The following ZMAT4 variants were observed in gnomAD, a reference collection of about 807,000 sequenced individuals.
ZMAT4 encodes zinc finger matrin-type 4.
A neutral mutation model predicts 28.7 loss-of-function variants in ZMAT4; 17 were observed. The observed-to-expected ratio is 0.59, with a 90% CI of 0.41 to 0.89. The LOEUF (loss-of-function observed/expected upper bound fraction) is 0.89, where lower values mean the gene tolerates loss of function less well. Among genes scored for constraint, ZMAT4 ranks in the 40% least tolerant of loss-of-function variants. The pLI, the probability that ZMAT4 is intolerant of heterozygous loss-of-function variation, is 0.00. For synonymous variants in ZMAT4, 117 were observed against 109.2 expected, an observed-to-expected ratio of 1.07 and a Z score of -0.44; for missense variants, 240 against 283.8, an observed-to-expected ratio of 0.85 and a Z score of 1.11.
At position 40,647,830 on chromosome 8, in the gene ZMAT4, C is replaced by T. The variant is rs182202468; in HGVS notation, c.577+26874G>A. Among the ~76,000 whole-genome samples the T allele has an allele frequency of 2.3e-4, 35 of 152,230 alleles. No individual in the cohort carries two copies. The East Asian group carries it at 4.8e-3, about 21-fold the overall frequency. Reference sequence around the variant, plus strand: ...AGCAGGGGCACACTGACACCTCACACGCAGGGTATTCCAACAGACCTGCAG... The same window carrying T: ...AGCAGGGGCACACTGACACCTCACATGCAGGGTATTCCAACAGACCTGCAG... On this transcript the variant is annotated intron_variant, in intron 5 of 6. Coordinates refer to ENST00000297737, the MANE Select transcript of ZMAT4 (RefSeq NM_024645.3).
chr8:40,868,988 G>A (rs1287424910), intron 1 of ZMAT4, among the ~76,000 whole-genome samples: 1 of 152,132 alleles, frequency 6.6e-6, no homozygotes, highest in Non-Finnish European at 1.5e-5. Flanking sequence ...AGTCCTGCAG[G>A]GATGGGCTGC....
At chr8:40,707,214 G>GCC (rs1229240579) in intron 3 of ZMAT4, among the ~76,000 whole-genome samples, 1 of 87,126 alleles carries the variant, frequency 1.1e-5, no homozygotes. Context: ...CTTCAGGCCT[G>GCC]CCCCCCCACC....
chr8:40,746,088 C>T (rs114354367), intron 3 of ZMAT4, among the ~76,000 whole-genome samples: 66 of 152,134 alleles, frequency 4.3e-4, no homozygotes, highest in African/African-American at 1.3e-3. Flanking sequence ...TCTTGGTAGA[C>T]GTTCTCAACT....
chr8:40,845,503 G>T (rs773811525), intron 1 of ZMAT4, among the ~76,000 whole-genome samples: 1 of 151,972 alleles, frequency 6.6e-6, no homozygotes. Context: ...AAATAATGCG[G>T]CTTTTGCTGA....
intron 5 of ZMAT4, among the ~76,000 whole-genome samples, chr8:40,660,142 T>G (rs1585836282): frequency 6.6e-6 from 1 of 152,206 alleles, no homozygotes; most frequent in East Asian, 1.9e-4. Flanking sequence ...TTATTGCATA[T>G]TTTTGTTTAT....
At chr8:40,712,112 G>A (rs1385243517) in intron 3 of ZMAT4, among the ~76,000 whole-genome samples, 3 of 152,162 alleles carry the variant, frequency 2.0e-5, no homozygotes, top group Non-Finnish European at 4.4e-5. Flanking sequence ...ACCACCTGAT[G>A]CCAGAATCTA....
At chr8:40,673,597 A>C (rs1808776819) in intron 5 of ZMAT4, among the ~76,000 whole-genome samples, 1 of 152,166 alleles carries the variant, frequency 6.6e-6, no homozygotes, top group Non-Finnish European at 1.5e-5. Flanking sequence ...TATTTTTCTG[A>C]GAAAAATGCA....
At position 40,863,929 on chromosome 8, in the gene ZMAT4, A is replaced by G. The variant is rs145881049; in HGVS notation, c.-5+33754T>C. Among the ~76,000 whole-genome samples the G allele has an allele frequency of 9.7e-4, 148 of 152,298 alleles. 1 individual carries two copies. The highest frequency in any genetic ancestry group is 3.2e-3 in the African/African-American group (135 of 41,546). On this transcript the variant is annotated intron_variant, in intron 1 of 6. Transcript: ENST00000297737. ...AAAATAATTATCACACATTATTTCA[A>G]TTAGATCATAAAGTCCTAGAAAATG... is the stretch of plus-strand genomic sequence containing the variant.
rs183289549 is a variant in ZMAT4, at chr8:40,839,881, A to G, written c.-4-14201T>C. ...ACCTAAAAGCTCTGATGTTACCACTATGCATTCTATGCATGTAACAAAACT... is the reference window on the plus strand; with the variant it reads ...ACCTAAAAGCTCTGATGTTACCACTGTGCATTCTATGCATGTAACAAAACT... On this transcript the variant is annotated intron_variant, in intron 1 of 6. Transcript: ENST00000297737. Among the ~76,000 whole-genome samples, 379 of 152,356 alleles carry G rather than the reference A, an allele frequency of 2.5e-3. 2 individuals carry two copies. The highest frequency in any genetic ancestry group is 4.2e-3 in the Non-Finnish European group (289 of 68,028).
chr8:40,532,971 G>A (rs574761291), intron 6 of ZMAT4, among the ~76,000 whole-genome samples: 2 of 148,332 alleles, frequency 1.3e-5, no homozygotes, highest in African/African-American at 2.5e-5. Flanking sequence ...AACAGAGGGA[G>A]ACTCCATGTC....
chr8:40,784,645 T>C (rs528965574), intron 2 of ZMAT4, among the ~76,000 whole-genome samples: 1 of 152,230 alleles, frequency 6.6e-6, no homozygotes, highest in East Asian at 1.9e-4. Flanking sequence ...TTATCCAGAA[T>C]CCATACATAG....
intron 1 of ZMAT4, among the ~76,000 whole-genome samples, chr8:40,889,307 G>T (rs1375814144): frequency 2.0e-5 from 3 of 152,234 alleles, no homozygotes; most frequent in Non-Finnish European, 4.4e-5. Context: ...CATTTCACGT[G>T]AGCGTTTATC....
chr8:40,542,175 T>C (rs924492053), intron 6 of ZMAT4, among the ~76,000 whole-genome samples: 1 of 151,574 alleles, frequency 6.6e-6, no homozygotes, highest in Non-Finnish European at 1.5e-5. Flanking sequence ...GAATGGGAAG[T>C]AGTGTGGAAT....
chr8:40,618,613 C>A (rs1377338398), intron 5 of ZMAT4, among the ~76,000 whole-genome samples: 1 of 149,790 alleles, frequency 6.7e-6, no homozygotes, highest in Admixed American at 6.7e-5. Flanking sequence ...AAAATTGAAA[C>A]TATGTAGTCA....
chr8:40,594,617 A>C (rs1205514553), intron 5 of ZMAT4, among the ~76,000 whole-genome samples: 1 of 152,232 alleles, frequency 6.6e-6, no homozygotes, highest in African/African-American at 2.4e-5. Flanking sequence ...AAAAAGCCCA[A>C]ACAGCTCAAT....
intron 5 of ZMAT4, among the ~76,000 whole-genome samples, chr8:40,603,431 T>C (rs974968234): frequency 5.9e-5 from 9 of 152,140 alleles, no homozygotes; most frequent in African/African-American, 1.9e-4. Flanking sequence ...TCTGTATGAG[T>C]TTTAGGATTG....
At chr8:40,821,527 T>C (rs1383717824) in intron 2 of ZMAT4, among the ~76,000 whole-genome samples, 1 of 152,204 alleles carries the variant, frequency 6.6e-6, no homozygotes, top group African/African-American at 2.4e-5. Context: ...GCATAGCATG[T>C]AAAGGTTTGG....
At chr8:40,862,741 T>C (rs1817547763) in intron 1 of ZMAT4, among the ~76,000 whole-genome samples, 1 of 151,582 alleles carries the variant, frequency 6.6e-6, no homozygotes, top group Admixed American at 6.6e-5. Flanking sequence ...AAACACCGCA[T>C]GTTCTCACTC....
chr8:40,813,433 T>C (rs556246945), intron 2 of ZMAT4, among the ~76,000 whole-genome samples: 130 of 152,350 alleles, frequency 8.5e-4, no homozygotes, highest in African/African-American at 2.9e-3. Context: ...CAAAAGCTGT[T>C]TTCATAGCTA....
Sources: allele counts gnomAD v4.1 joint callset (sites outside exome capture counted in the v4.1 genomes callset), GRCh38; gene constraint gnomAD v4.1.1; transcripts MANE v1.5; gene names NCBI Gene and HGNC (gene_info 2026-07-23, HGNC 2026-07-21).